PCDH15: variants seen among roughly 807,000 people sequenced by gnomAD.
PCDH15 encodes the protein protocadherin related 15, also known as protocadherin-15.
A neutral mutation model predicts 178.5 loss-of-function variants in PCDH15; 129 were observed. That is an observed-to-expected ratio of 0.72 (90% CI 0.63 to 0.84). The LOEUF is 0.84. Among genes scored for constraint, PCDH15 ranks in the 40% least tolerant of loss-of-function variants. PCDH15 has a pLI of 0.00. For missense variants in PCDH15, 2,230 were observed against 2,099.9 expected (o/e 1.06, Z -1.21); for synonymous variants, 800 against 732.0 (o/e 1.09, Z -1.50).
At chr10:54,336,262 T>G (rs1019072946) in intron 6 of PCDH15, among the ~76,000 whole-genome samples, 10 of 152,204 alleles carry the variant, frequency 6.6e-5, no homozygotes, top group African/African-American at 2.4e-4. Flanking sequence ...AACACCCATT[T>G]TCTGAGGAGA....
At chr10:54,210,519 T>G (rs1013244206) in intron 10 of PCDH15, among the ~76,000 whole-genome samples, 1 of 151,994 alleles carries the variant, frequency 6.6e-6, no homozygotes, top group Admixed American at 6.6e-5. Context: ...GCCAAAAGGC[T>G]GCAAAAAAGC....
At chr10:55,415,272 A>T (rs950754463) in intron 2 of PCDH15, among the ~76,000 whole-genome samples, 2 of 151,628 alleles carry the variant, frequency 1.3e-5, no homozygotes, top group Admixed American at 6.6e-5. Flanking sequence ...TTGTTGCAAT[A>T]TGTTCTTTAT....
intron 25 of PCDH15, among the ~76,000 whole-genome samples, chr10:53,923,258 GA>G (rs2084165972): frequency 6.6e-6 from 1 of 152,114 alleles, no homozygotes; most frequent in African/African-American, 2.4e-5. Flanking sequence ...TTATTTTTAA[GA>G]TATTACATAG....
intron 3 of PCDH15, among the ~76,000 whole-genome samples, chr10:54,417,389 T>C (rs566664564): frequency 6.6e-5 from 10 of 151,402 alleles, no homozygotes; most frequent in African/African-American, 9.8e-5. Context: ...TGGGGAGTGA[T>C]AGAATAGAAA....
intron 8 of PCDH15, among the ~76,000 whole-genome samples, chr10:54,252,742 C>T (rs2056589755): frequency 6.6e-6 from 1 of 151,726 alleles, no homozygotes; most frequent in Non-Finnish European, 1.5e-5. Flanking sequence ...ACCAATTAAT[C>T]CTATGTCATT....
chr10:55,124,614 C>T (rs1837852161), intron 2 of PCDH15, among the ~76,000 whole-genome samples: 4 of 152,062 alleles, frequency 2.6e-5, no homozygotes, highest in Admixed American at 2.6e-4. Context: ...AAGACCATTA[C>T]TTTATTCTCT....
intron 15 of PCDH15, among the ~76,000 whole-genome samples, chr10:54,114,100 T>C (rs1314635461): frequency 1.3e-5 from 2 of 152,196 alleles, no homozygotes; most frequent in Non-Finnish European, 2.9e-5. Context: ...CAAGGTGAGA[T>C]TTGGGTGGGG....
intron 2 of PCDH15, among the ~76,000 whole-genome samples, chr10:55,101,027 A>G (rs1455348372): frequency 6.6e-6 from 1 of 152,086 alleles, no homozygotes; most frequent in African/African-American, 2.4e-5. Context: ...TTTTTTGCTA[A>G]TCATCACTTA....
chr10:54,842,208 C>CAG (rs1564559784), intron 3 of PCDH15, among the ~76,000 whole-genome samples: 4 of 149,612 alleles, frequency 2.7e-5, no homozygotes, highest in East Asian at 3.9e-4. Context: ...GTGTGTGAGA[C>CAG]AGAGAGAGAG....
chr10:55,130,615 G>T (rs1465214443), intron 2 of PCDH15, among the ~76,000 whole-genome samples: 1 of 151,596 alleles, frequency 6.6e-6, no homozygotes, highest in Non-Finnish European at 1.5e-5. Context: ...AATAATTAAA[G>T]TAACAAACCC....
intron 3 of PCDH15, among the ~76,000 whole-genome samples, chr10:54,380,925 T>C (rs1949157490): frequency 6.6e-6 from 1 of 151,378 alleles, no homozygotes; most frequent in African/African-American, 2.4e-5. Flanking sequence ...AAAAGATCTA[T>C]AGTTTTCTTG....
At chr10:53,993,792 G>A (rs2091676189) in intron 21 of PCDH15, among the ~76,000 whole-genome samples, 1 of 152,156 alleles carries the variant, frequency 6.6e-6, no homozygotes, top group African/African-American at 2.4e-5. Flanking sequence ...TGATTCAAAA[G>A]CTCAATTCTG....
At chr10:54,325,647 G>T (rs1431857774) in intron 7 of PCDH15, among the ~76,000 whole-genome samples, 2 of 152,048 alleles carry the variant, frequency 1.3e-5, no homozygotes, top group Non-Finnish European at 2.9e-5. Context: ...TACTCAGGAG[G>T]CTGAGGCACG....
intron 2 of PCDH15, among the ~76,000 whole-genome samples, chr10:54,644,783 CA>C (rs1188958098): frequency 7.9e-5 from 12 of 152,128 alleles, no homozygotes; most frequent in Non-Finnish European, 1.6e-4. Flanking sequence ...AATGCAACAA[CA>C]TTAAGAGGTT....
At chr10:55,395,196 TGAGAGA>T (rs55765914) in intron 2 of PCDH15, among the ~76,000 whole-genome samples, 11,549 of 126,602 alleles carry the variant, frequency 0.091, 453 homozygotes, top group East Asian at 0.16. Context: ...TGTGTGTGTG[TGAGAGA>T]GAGAGAGAGA....
chr10:55,563,326 A>G (rs770212882), intron 2 of PCDH15, among the ~76,000 whole-genome samples: 20 of 152,062 alleles, frequency 1.3e-4, no homozygotes, highest in Admixed American at 2.6e-4. Flanking sequence ...AAAGAATAGT[A>G]TATTTCCAGA....
At chr10:55,237,075 T>C (rs1463662213) in intron 1 of PCDH15, among the ~76,000 whole-genome samples, 1 of 152,148 alleles carries the variant, frequency 6.6e-6, no homozygotes, top group Non-Finnish European at 1.5e-5. Context: ...ATTTATGTAT[T>C]ACTTGCAAAC....
At chr10:54,637,228 T>C (rs2093877563) in intron 2 of PCDH15, among the ~76,000 whole-genome samples, 1 of 151,902 alleles carries the variant, frequency 6.6e-6, no homozygotes, top group African/African-American at 2.4e-5. Context: ...GATAGATATA[T>C]GAGTTTTCTT....
chr10:54,380,911 A>G (rs539376335), intron 3 of PCDH15, among the ~76,000 whole-genome samples: 124 of 151,330 alleles, frequency 8.2e-4, no homozygotes, highest in Non-Finnish European at 1.5e-3. Context: ...TCTAACTTTC[A>G]TGGAAAAGAT....
Sources: allele counts gnomAD v4.1 joint callset (sites outside exome capture counted in the v4.1 genomes callset), GRCh38; gene constraint gnomAD v4.1.1; transcripts MANE v1.5; gene names NCBI Gene and HGNC (gene_info 2026-07-23, HGNC 2026-07-21).